The following GALNT17 variants were observed in gnomAD, a reference collection of about 807,000 sequenced individuals.
GALNT17 encodes polypeptide N-acetylgalactosaminyltransferase 17.
A neutral mutation model predicts 63.7 loss-of-function variants in GALNT17; 29 were observed. The ratio of observed to expected loss-of-function variants is 0.46; its 90% confidence interval spans 0.34 to 0.62. The LOEUF is 0.62. Ranked by LOEUF, GALNT17 falls within the 20% of genes least tolerant of loss-of-function variation. The pLI is 0.01. For synonymous variants in GALNT17, 305 were observed against 318.3 expected, an observed-to-expected ratio of 0.96 and a Z score of 0.45; for missense variants, 603 against 799.6, an observed-to-expected ratio of 0.75 and a Z score of 2.97.
At chr7:71,343,581 T>C (rs1425919564) in intron 2 of GALNT17, among the ~76,000 whole-genome samples, 1 of 152,214 alleles carries the variant, frequency 6.6e-6, no homozygotes, top group Non-Finnish European at 1.5e-5. Flanking sequence ...AATCCCAAGC[T>C]GTCAGTCTTT....
At chr7:71,305,133 A>G (rs573678735) in intron 1 of GALNT17, among the ~76,000 whole-genome samples, 1 of 152,240 alleles carries the variant, frequency 6.6e-6, no homozygotes, top group Admixed American at 6.5e-5. Context: ...AGATATAGTT[A>G]TGGATATATA....
chr7:71,340,174 A>G (rs1481693487), intron 2 of GALNT17, among the ~76,000 whole-genome samples: 1 of 152,176 alleles, frequency 6.6e-6, no homozygotes, highest in East Asian at 1.9e-4. Flanking sequence ...GCAGATTTGA[A>G]CAGAAGGGAT....
At chr7:71,397,940 CT>C (rs1554365190) in intron 3 of GALNT17, among the ~76,000 whole-genome samples, 1 of 99,330 alleles carries the variant, frequency 1.0e-5, no homozygotes, top group African/African-American at 4.1e-5. Flanking sequence ...CCATTATTGT[CT>C]TTGTTGTTGT....
chr7:71,384,298 G>A (rs774783645), intron 2 of GALNT17, among the ~76,000 whole-genome samples: 4 of 152,150 alleles, frequency 2.6e-5, no homozygotes, highest in South Asian at 2.1e-4. Context: ...TCCCACGTCC[G>A]CATGGTAGGT....
At chr7:71,472,677 T>G (rs1456999714) in intron 5 of GALNT17, among the ~76,000 whole-genome samples, 1 of 151,348 alleles carries the variant, frequency 6.6e-6, no homozygotes, top group Non-Finnish European at 1.5e-5. Flanking sequence ...AGAGTGAGAC[T>G]TTGTCTCAAA....
At chr7:71,407,739 C>T (rs2116407944) in intron 3 of GALNT17, among the ~76,000 whole-genome samples, 1 of 152,238 alleles carries the variant, frequency 6.6e-6, no homozygotes. Flanking sequence ...CAGAATGAGA[C>T]CCTCTCTCAA....
intron 1 of GALNT17, among the ~76,000 whole-genome samples, chr7:71,173,733 A>C (rs1437025249): frequency 6.6e-6 from 1 of 152,324 alleles, no homozygotes; most frequent in East Asian, 1.9e-4. Flanking sequence ...AGATTGTGCC[A>C]CTGCACTCCA....
intron 1 of GALNT17, among the ~76,000 whole-genome samples, chr7:71,136,143 C>T (rs1022165950): frequency 1.3e-5 from 2 of 152,170 alleles, no homozygotes; most frequent in Non-Finnish European, 2.9e-5. Flanking sequence ...AATGCGTGTC[C>T]CATCTGTTGA....
chr7:71,630,698 C>G (rs1443429945), intron 6 of GALNT17, among the ~76,000 whole-genome samples: 2 of 152,116 alleles, frequency 1.3e-5, no homozygotes, highest in Non-Finnish European at 2.9e-5. Context: ...TCTAAAAATA[C>G]CAGGGCACCT....
At chr7:71,592,496 A>AAAAATAAAATAAAATAAAATAAAAT (rs374557191) in intron 6 of GALNT17, among the ~76,000 whole-genome samples, 9 of 90,966 alleles carry the variant, frequency 9.9e-5, no homozygotes, top group African/African-American at 1.7e-4. Flanking sequence ...ACTCCATTTC[A>AAAAATAAAATAAAATAAAATAAAAT]AAAATAAAAT....
At chr7:71,472,868 C>A (rs1787658225) in intron 5 of GALNT17, among the ~76,000 whole-genome samples, 1 of 152,134 alleles carries the variant, frequency 6.6e-6, no homozygotes, top group African/African-American at 2.4e-5. Flanking sequence ...AAAGCCCAAA[C>A]TGTGAAGTCT....
At chr7:71,171,688 T>C (rs1396561588) in intron 1 of GALNT17, among the ~76,000 whole-genome samples, 2 of 152,218 alleles carry the variant, frequency 1.3e-5, no homozygotes, top group Non-Finnish European at 2.9e-5. Flanking sequence ...TAGGAATTGC[T>C]TGTAACTATA....
intron 6 of GALNT17, among the ~76,000 whole-genome samples, chr7:71,660,470 T>G (rs1790891502): frequency 2.0e-5 from 3 of 152,236 alleles, no homozygotes. Flanking sequence ...TGTGCATTTC[T>G]CTTCATTTCT....
intron 5 of GALNT17, among the ~76,000 whole-genome samples, chr7:71,504,031 A>C (rs531633483): frequency 1.3e-5 from 2 of 152,234 alleles, no homozygotes; most frequent in East Asian, 3.9e-4. Context: ...GATTGAGCCC[A>C]TCCTGGCTAA....
At chr7:71,316,067 A>C (rs1024109524) in intron 1 of GALNT17, among the ~76,000 whole-genome samples, 4 of 152,104 alleles carry the variant, frequency 2.6e-5, no homozygotes, top group African/African-American at 9.7e-5. Context: ...TTGGGCAGAG[A>C]GATTGTGTCC....
intron 1 of GALNT17, among the ~76,000 whole-genome samples, chr7:71,135,310 A>G (rs62459620): frequency 0.052 from 7,973 of 152,266 alleles, 809 homozygotes; most frequent in East Asian, 0.43. Flanking sequence ...CTGTATGTTC[A>G]CATCTGTCCA....
chr7:71,387,326 T>C (rs1417647282), intron 2 of GALNT17, among the ~76,000 whole-genome samples: 1 of 151,202 alleles, frequency 6.6e-6, no homozygotes, highest in African/African-American at 2.4e-5. Flanking sequence ...GTGTTCTTTT[T>C]TTGGGGGGCG....
chr7:71,567,708 C>T (rs1041721587), intron 5 of GALNT17, among the ~76,000 whole-genome samples: 2 of 152,150 alleles, frequency 1.3e-5, no homozygotes, highest in African/African-American at 4.8e-5. Flanking sequence ...TGTGATCCGC[C>T]CACTTCAGCC....
At chr7:71,292,942 G>A (rs906229453) in intron 1 of GALNT17, among the ~76,000 whole-genome samples, 1 of 151,972 alleles carries the variant, frequency 6.6e-6, no homozygotes, top group Non-Finnish European at 1.5e-5. Context: ...GTGAGATCAT[G>A]CGGTACTTTT....
Sources: gnomAD v4.1 joint callset for allele counts (sites outside exome capture counted in the v4.1 genomes callset) on GRCh38, gnomAD v4.1.1 for gene constraint, MANE v1.5 for transcripts, NCBI Gene and HGNC (gene_info 2026-07-23, HGNC 2026-07-21) for gene names.